TBX15: variants seen among roughly 807,000 people sequenced by gnomAD.
TBX15 encodes T-box transcription factor TBX15.
Under a neutral mutation model 53.9 loss-of-function variants are expected in TBX15, and 18 were observed. The ratio of observed to expected loss-of-function variants is 0.33; its 90% CI spans 0.23 to 0.49. TBX15 has a LOEUF of 0.49. Ranked by LOEUF, TBX15 falls within the 20% of genes least tolerant of loss-of-function variation. The pLI is 0.98. For missense variants in TBX15, 692 were observed against 749.5 expected (o/e 0.92, Z 0.90); for synonymous variants, 295 against 278.0 (o/e 1.06, Z -0.61).
chr1:118,902,712 T>G (rs1437541093), intron 6 of TBX15, among the ~76,000 whole-genome samples: 1 of 152,180 alleles, frequency 6.6e-6, no homozygotes, highest in Non-Finnish European at 1.5e-5. Flanking sequence ...ATAGAACTTC[T>G]GAGCTTCAGC....
At chr1:118,913,701 G>T (rs904872951) in intron 6 of TBX15, among the ~76,000 whole-genome samples, 3 of 152,028 alleles carry the variant, frequency 2.0e-5, no homozygotes, top group Non-Finnish European at 4.4e-5. Context: ...CACTGTTTTA[G>T]CTCTTAAGGT....
rs1653842312 is a variant in TBX15 at position 118,884,349 on chromosome 1, T to G, written c.*383A>C. The G allele has an allele frequency of 3.4e-6, 1 of 296,462 alleles. No homozygotes were observed. Among genetic ancestry groups the G allele is most frequent in the Non-Finnish European group, 6.5e-6 (1 of 155,032 alleles). 18.4% of individuals were successfully genotyped at this position (296,462 alleles called of 1,614,324 possible). The stretch of plus-strand genomic sequence containing the variant: ...ATGAATATGTATGTGTGTGTGCACG[T>G]ATGTATAGGTAGGTCTGTCTGTATG... On this transcript the variant is annotated 3_prime_UTR_variant, in exon 8 of 8. Coordinates refer to ENST00000369429, the MANE Select transcript of TBX15 (RefSeq NM_001330677.2).
chr1:118,885,856 T>A (rs142284731), intron 7 of TBX15, among the ~76,000 whole-genome samples: 120 of 152,338 alleles, frequency 7.9e-4, no homozygotes, highest in Non-Finnish European at 1.5e-3. Context: ...TTTCTCACCA[T>A]CAAATTCACT....
At chr1:118,966,886 T>A (rs1330701594) in intron 1 of TBX15, among the ~76,000 whole-genome samples, 1 of 152,260 alleles carries the variant, frequency 6.6e-6, no homozygotes, top group African/African-American at 2.4e-5. Flanking sequence ...ATGCAAGTGA[T>A]CTTTTTGGAG....
chr1:118,954,914 A>T (rs1309776842), intron 1 of TBX15, among the ~76,000 whole-genome samples: 1 of 152,202 alleles, frequency 6.6e-6, no homozygotes, highest in Non-Finnish European at 1.5e-5. Context: ...CCCACCATAA[A>T]GAGGGAAGAG....
intron 1 of TBX15, among the ~76,000 whole-genome samples, chr1:118,947,373 T>C (rs1028029437): frequency 2.0e-5 from 3 of 152,224 alleles, no homozygotes; most frequent in Admixed American, 2.0e-4. Flanking sequence ...CTGCATTATT[T>C]GTCATTTTAT....
intron 1 of TBX15, among the ~76,000 whole-genome samples, chr1:118,943,371 A>G (rs773211800): frequency 1.3e-5 from 2 of 152,178 alleles, no homozygotes; most frequent in Non-Finnish European, 2.9e-5. Flanking sequence ...TGGTGTTAGG[A>G]GAAATGGTGG....
chr1:118,891,449 T>A lies in TBX15; in HGVS notation c.1025-5933A>T, dbSNP rs939695870. ...ATCTGTTATCTTCATTTAGAATTCA[T>A]CTGCTTCTTTCTGGCAACAGTATCT... On this transcript the variant is annotated intron_variant, in intron 7 of 7. Transcript: ENST00000369429. Among the ~76,000 whole-genome samples the A allele has an allele frequency of 2.6e-5, 4 of 152,214 alleles. No individual in the cohort carries two copies. The East Asian group carries it at 7.7e-4, about 29-fold the overall frequency.
Position 118,987,820 on chromosome 1 carries a change from CG to C in TBX15, c.-26del. 1 of 1,546,276 alleles carries C rather than the reference CG, an allele frequency of 6.5e-7. No individual in the cohort carries two copies. Among genetic ancestry groups the C allele is most frequent in the Non-Finnish European group, 8.7e-7 (1 of 1,145,178 alleles). ...TTTTAGCCGCCCACACCCCTGCCTCCGCTTGCCCCCGCTACCGAGGGAGCAG... is the reference window on the plus strand; with the variant it reads ...TTTTAGCCGCCCACACCCCTGCCTCCCTTGCCCCCGCTACCGAGGGAGCAG... On this transcript the variant is annotated 5_prime_UTR_variant, in exon 1 of 8. Transcript: ENST00000369429.
chr1:118,909,618 C>T (rs1489356758), intron 6 of TBX15, among the ~76,000 whole-genome samples: 6 of 152,124 alleles, frequency 3.9e-5, no homozygotes, highest in African/African-American at 1.2e-4. Flanking sequence ...AGTCTCGCTC[C>T]GTTGCCCAGG....
chr1:118,985,541 C>T (rs979088596), intron 1 of TBX15, among the ~76,000 whole-genome samples: 4 of 152,154 alleles, frequency 2.6e-5, no homozygotes, highest in African/African-American at 9.7e-5. Context: ...TTAGCCATTG[C>T]GGGGGCTCCA....
At chr1:118,910,557 A>C (rs1654997368) in intron 6 of TBX15, among the ~76,000 whole-genome samples, 1 of 152,188 alleles carries the variant, frequency 6.6e-6, no homozygotes, top group African/African-American at 2.4e-5. Context: ...TCATCTATCA[A>C]TATTTCCCAC....
At chr1:118,941,864 C>A (rs1656187128) in intron 1 of TBX15, among the ~76,000 whole-genome samples, 1 of 152,162 alleles carries the variant, frequency 6.6e-6, no homozygotes, top group South Asian at 2.1e-4. Context: ...CTCTTTCCAA[C>A]CATCTAACCT....
At chr1:118,914,201 T>C in intron 5 of TBX15, 22 bp from the exon 6 acceptor site, 4 of 1,607,384 alleles carry the variant, frequency 2.5e-6, no homozygotes, top group Non-Finnish European at 3.4e-6. Flanking sequence ...CAAATAAGTA[T>C]GAATTGCTTT....
chr1:118,904,087 T>C (rs12026324), intron 6 of TBX15, among the ~76,000 whole-genome samples: 33,927 of 151,990 alleles, frequency 0.22, 4,697 homozygotes, highest in Non-Finnish European at 0.29. Context: ...GGGGACATAG[T>C]TCAGGGTGAC....
chr1:118,889,577 T>G (rs1439083491), intron 7 of TBX15, among the ~76,000 whole-genome samples: 1 of 152,150 alleles, frequency 6.6e-6, no homozygotes, highest in Non-Finnish European at 1.5e-5. Flanking sequence ...GACAGAAATT[T>G]TATTTAATGG....
chr1:118,942,081 C>A (rs1393191841), intron 1 of TBX15, among the ~76,000 whole-genome samples: 1 of 152,138 alleles, frequency 6.6e-6, no homozygotes, highest in African/African-American at 2.4e-5. Context: ...GCAACAAAAT[C>A]CTATGGGAGT....
In TBX15 at chr1:118,988,138, T is replaced by G; in HGVS notation, c.-343A>C. 3.3e-6 allele frequency: 1 copy of G among 305,656 alleles called. No individual in the cohort carries two copies. The highest frequency in any genetic ancestry group is 5.8e-6 in the Non-Finnish European group (1 of 173,044). The allele number at this position is 305,656 out of a possible 1,614,324, so 18.9% of individuals were successfully genotyped here. A position where few individuals can be genotyped will look rare whatever the true frequency, so the allele number is the denominator to read the frequency against. ...TTCATCTTGTTTTTGTTATTATTAT[T>G]ATTCTCTCTCCTCTCTCTCTCTCTC... On this transcript the variant is annotated 5_prime_UTR_variant, in exon 1 of 8. Transcript: ENST00000369429.
intron 2 of TBX15, among the ~76,000 whole-genome samples, chr1:118,926,860 C>T (rs1169636422): frequency 7.0e-6 from 1 of 143,362 alleles, no homozygotes; most frequent in Non-Finnish European, 1.5e-5. Flanking sequence ...CATGAGCCAC[C>T]ACGCCCAGCT....
Sources: allele counts gnomAD v4.1 joint callset (sites outside exome capture counted in the v4.1 genomes callset), GRCh38; gene constraint gnomAD v4.1.1; transcripts MANE v1.5; gene names NCBI Gene and HGNC (gene_info 2026-07-23, HGNC 2026-07-21).